Variants in CDH18 observed in about 807,000 individuals in gnomAD.
The protein encoded by CDH18 is cadherin-18.
CDH18 carries 31 observed loss-of-function variants against 67.9 expected under a neutral mutation model. The observed-to-expected ratio is 0.46, with a 90% CI of 0.34 to 0.62. CDH18 has a LOEUF of 0.62. CDH18 is among the 20% of genes least tolerant of loss of function. CDH18 has a pLI of 0.01. For missense variants in CDH18, 890 were observed against 975.5 expected (o/e 0.91, Z 1.17); for synonymous variants, 362 against 347.2 (o/e 1.04, Z -0.48).
At chr5:19,548,414 G>C (rs1193635634) in intron 8 of CDH18, among the ~76,000 whole-genome samples, 7 of 151,988 alleles carry the variant, frequency 4.6e-5, no homozygotes, top group Non-Finnish European at 8.8e-5. Context: ...CAAATTCTAA[G>C]TTGGCCATTA....
chr5:19,746,220 C>T (rs1769981143), intron 4 of CDH18, among the ~76,000 whole-genome samples: 1 of 152,074 alleles, frequency 6.6e-6, no homozygotes, highest in Non-Finnish European at 1.5e-5. Flanking sequence ...GGTGAAAAAG[C>T]CCCAGATCAT....
chr5:20,312,355 C>T (rs1225304258), intron 1 of CDH18, among the ~76,000 whole-genome samples: 1 of 152,068 alleles, frequency 6.6e-6, no homozygotes, highest in Non-Finnish European at 1.5e-5. Context: ...CAAGATAATA[C>T]ATTATGGCTT....
chr5:19,986,234 GT>G (rs1275934270), intron 1 of CDH18, among the ~76,000 whole-genome samples: 1 of 152,208 alleles, frequency 6.6e-6, no homozygotes, highest in Non-Finnish European at 1.5e-5. Flanking sequence ...ATTGCACAAT[GT>G]ATGGACTTCA....
intron 1 of CDH18, among the ~76,000 whole-genome samples, chr5:20,387,800 C>G (rs531593762): frequency 6.6e-6 from 1 of 152,062 alleles, no homozygotes; most frequent in African/African-American, 2.4e-5. Flanking sequence ...TTGTCAAAGA[C>G]CTTTTCTGCA....
rs543094313 is a variant in CDH18, at chr5:20,221,813, T to C, written c.-518+33631A>G. On this transcript the variant is annotated intron_variant, in intron 2 of 14. Coordinates refer to the CDH18 transcript ENST00000507958. ...AACAACAAAAATCAATAGTTTTCTATTATTGTGTCACTTCATCATAACCTT... is the reference window on the plus strand; with the variant it reads ...AACAACAAAAATCAATAGTTTTCTACTATTGTGTCACTTCATCATAACCTT... 2.1e-4 allele frequency among the ~76,000 whole-genome samples: 32 copies of C among 152,286 alleles called. No homozygotes were observed. In the South Asian group the frequency reaches 5.8e-3, roughly 28 times the overall value.
chr5:20,294,591 T>A (rs760108936), intron 1 of CDH18, among the ~76,000 whole-genome samples: 1 of 152,198 alleles, frequency 6.6e-6, no homozygotes, highest in Admixed American at 6.5e-5. Flanking sequence ...CATACTATAT[T>A]GTTTCATTTA....
intron 3 of CDH18, among the ~76,000 whole-genome samples, chr5:19,770,417 G>A (rs753226248): frequency 1.3e-5 from 2 of 151,986 alleles, no homozygotes; most frequent in African/African-American, 4.8e-5. Context: ...GGACAGATTA[G>A]TCCAAAAATG....
intron 1 of CDH18, among the ~76,000 whole-genome samples, chr5:20,346,818 T>C (rs572788189): frequency 6.6e-6 from 1 of 152,286 alleles, no homozygotes; most frequent in African/African-American, 2.4e-5. Flanking sequence ...GCATAAACAA[T>C]TCAAAATGCA....
intron 2 of CDH18, among the ~76,000 whole-genome samples, chr5:20,191,305 A>T (rs937620798): frequency 4.2e-4 from 64 of 152,250 alleles, no homozygotes; most frequent in African/African-American, 1.5e-3. Context: ...CCTTTCTTTA[A>T]GTAATCCTGC....
intron 1 of CDH18, among the ~76,000 whole-genome samples, chr5:20,389,882 TGGGG>T (rs1744682692): frequency 6.6e-6 from 1 of 152,060 alleles, no homozygotes; most frequent in Non-Finnish European, 1.5e-5. Context: ...AAACAAGAAA[TGGGG>T]AAACAATTCC....
intron 1 of CDH18, among the ~76,000 whole-genome samples, chr5:20,486,719 A>G (rs557451385): frequency 5.0e-4 from 73 of 146,866 alleles, no homozygotes; most frequent in Non-Finnish European, 6.9e-4. Flanking sequence ...GTGTGTGTGT[A>G]TGTGTGTGTG....
intron 2 of CDH18, among the ~76,000 whole-genome samples, chr5:20,123,239 T>A (rs534877752): frequency 1.3e-5 from 2 of 152,244 alleles, no homozygotes; most frequent in Admixed American, 6.5e-5. Context: ...AGATTCTGCA[T>A]CATCTAGACT....
chr5:20,067,846 C>T (rs754261949), intron 2 of CDH18, among the ~76,000 whole-genome samples: 26 of 151,968 alleles, frequency 1.7e-4, no homozygotes, highest in Non-Finnish European at 3.5e-4. Context: ...AGATGTTAGA[C>T]ATTATTTTGG....
At chr5:20,374,288 A>T (rs1743238702) in intron 1 of CDH18, among the ~76,000 whole-genome samples, 1 of 152,242 alleles carries the variant, frequency 6.6e-6, no homozygotes, top group African/African-American at 2.4e-5. Context: ...GAATGAGATT[A>T]TTCAGACTTA....
intron 1 of CDH18, among the ~76,000 whole-genome samples, chr5:20,455,393 G>A (rs1229529736): frequency 1.3e-5 from 2 of 152,038 alleles, no homozygotes; most frequent in Non-Finnish European, 2.9e-5. Flanking sequence ...AAATTAAAAA[G>A]CTATTGCAAC....
At chr5:20,485,700 G>T (rs895712607) in intron 1 of CDH18, among the ~76,000 whole-genome samples, 2 of 150,498 alleles carry the variant, frequency 1.3e-5, no homozygotes, top group African/African-American at 5.0e-5. Context: ...CAGGCTCATG[G>T]GTGAAAAAAA....
rs191657258 is a variant in CDH18, at chr5:19,892,177, A to G, written c.-256-52935T>C. 2.0e-5 allele frequency among the ~76,000 whole-genome samples: 3 copies of G among 152,330 alleles called. No homozygotes were observed. In the East Asian group the frequency reaches 5.8e-4, roughly 29 times the overall value. ...TAACTCTATTGCAAATAAAAGTTAG[A>G]AGACACTGTCTGAAGTAGCTAAAGT... On this transcript the variant is annotated intron_variant, in intron 2 of 12. Coordinates refer to ENST00000382275, the MANE Select transcript of CDH18 (RefSeq NM_004934.5).
chr5:20,392,738 C>T (rs1231754304), intron 1 of CDH18, among the ~76,000 whole-genome samples: 2 of 151,722 alleles, frequency 1.3e-5, no homozygotes, highest in African/African-American at 2.4e-5. Flanking sequence ...ATAGATTGTA[C>T]TATTTCAAGG....
intron 1 of CDH18, among the ~76,000 whole-genome samples, chr5:20,536,405 C>T (rs1033953376): frequency 2.6e-5 from 4 of 151,932 alleles, no homozygotes; most frequent in South Asian, 2.1e-4. Flanking sequence ...TCTGCAATAC[C>T]AGTGAGAAAA....
Sources: allele counts gnomAD v4.1 joint callset (sites outside exome capture counted in the v4.1 genomes callset), GRCh38; gene constraint gnomAD v4.1.1; transcripts MANE v1.5; gene names NCBI Gene and HGNC (gene_info 2026-07-23, HGNC 2026-07-21).